The following PARD6G variants were observed in gnomAD, a reference collection of about 807,000 sequenced individuals.
PARD6G encodes the protein par-6 family cell polarity regulator gamma.
Under a neutral mutation model 10.7 loss-of-function variants are expected in PARD6G, and 7 were observed. That is an observed-to-expected ratio of 0.66 (90% CI 0.37 to 1.23). PARD6G has a LOEUF of 1.23. Among genes scored for constraint, PARD6G ranks in the 50% most tolerant of loss-of-function variants. The pLI is 0.02. For synonymous variants in PARD6G, 287 were observed against 269.4 expected (o/e 1.07, Z -0.64); for missense variants, 548 against 571.8 (o/e 0.96, Z 0.42).
rs1021263751 is a variant in PARD6G, at chr18:80,189,385, G to C, written c.295+13325C>G. On this transcript the variant is annotated intron_variant, in intron 2 of 2. Transcript: ENST00000353265. The surrounding 1 kb of genome is among the most constrained non-coding windows in gnomAD (Gnocchi z 5.5). ...CTCAACCAAGGGCCACTGCGCCACC[G>C]CAGCTGTGGGACCGTATCTCTGGAT... 1 of 152,246 alleles carries C rather than the reference G, an allele frequency of 6.6e-6. No individual in the cohort carries two copies. Among genetic ancestry groups the C allele is most frequent in the Admixed American group, 6.5e-5 (1 of 15,278 alleles). 9.4% of individuals were successfully genotyped at this position (152,246 alleles called of 1,614,324 possible).
intron 1 of PARD6G, among the ~76,000 whole-genome samples, chr18:80,208,521 C>T (rs1233462808): frequency 6.6e-6 from 1 of 152,190 alleles, no homozygotes; most frequent in Non-Finnish European, 1.5e-5. Flanking sequence ...CATTCACCTA[C>T]TATCCCGCAC....
At position 80,247,182 on chromosome 18, in the gene PARD6G, T is replaced by C. The variant is rs2145312587; in HGVS notation, c.72+95A>G. On this transcript the variant is annotated intron_variant, in intron 1 of 2. Transcript: ENST00000353265. This position sits in a 1 kb window ranked among gnomAD's most constrained non-coding sequence, Gnocchi z 4.2. ...ACTGGAAAGTTGTCGCCGGCGCCTG[T>C]CGCCTCCACGCCGCCCCAGTCCCCC... 1 of 988,896 alleles carries C rather than the reference T, an allele frequency of 1.0e-6. No individual in the cohort carries two copies. Among genetic ancestry groups the C allele is most frequent in the African/African-American group, 1.7e-5 (1 of 57,694 alleles). 61.3% of individuals were successfully genotyped at this position (988,896 alleles called of 1,614,324 possible). A position where few individuals can be genotyped will look rare whatever the true frequency, so the allele number is the denominator to read the frequency against.
At chr18:80,237,376 T>C (rs1243751098) in intron 1 of PARD6G, among the ~76,000 whole-genome samples, 2 of 152,166 alleles carry the variant, frequency 1.3e-5, no homozygotes, top group Admixed American at 1.3e-4. Context: ...ACTTAAATGT[T>C]AGACCTAAAA....
chr18:80,159,594 T>G lies in PARD6G; in HGVS notation c.*177A>C. ...CTACAGGCGTTCATTTTAAGTTCTG[T>G]GGCGAAATTCTATAAAAATAGGCAA... On this transcript the variant is annotated 3_prime_UTR_variant, in exon 3 of 3. Coordinates refer to ENST00000353265, the MANE Select transcript of PARD6G (RefSeq NM_032510.4). The G allele has an allele frequency of 9.3e-7, 1 of 1,077,824 alleles. No individual in the cohort carries two copies. The highest frequency in any genetic ancestry group is 1.2e-6 in the Non-Finnish European group (1 of 832,352). The allele number at this position is 1,077,824 out of a possible 1,614,324, so 66.8% of individuals were successfully genotyped here. A position where few individuals can be genotyped will look rare whatever the true frequency, so the allele number is the denominator to read the frequency against.
chr18:80,197,117 G>T (rs1179393579), intron 2 of PARD6G, among the ~76,000 whole-genome samples: 3 of 152,150 alleles, frequency 2.0e-5, no homozygotes, highest in Non-Finnish European at 4.4e-5. Flanking sequence ...CCCCTAGGCG[G>T]TGTCCGAGGA....
At chr18:80,213,834 T>C (rs1967131913) in intron 1 of PARD6G, among the ~76,000 whole-genome samples, 2 of 151,336 alleles carry the variant, frequency 1.3e-5, no homozygotes, top group Non-Finnish European at 2.9e-5. Flanking sequence ...GGCGGGTGTG[T>C]GTAGTCCCAG....
In PARD6G at chr18:80,246,124, G is replaced by A. The variant is rs1326471114; in HGVS notation, c.72+1153C>T. ...GAGGGAACACCCGCCCTGCGCCCAA[G>A]ATAGGCACACAGTTAGGGGTGCGGG... On this transcript the variant is annotated intron_variant, in intron 1 of 2. Transcript: ENST00000353265. This position sits in a 1 kb window ranked among gnomAD's most constrained non-coding sequence, Gnocchi z 6.7. Among the ~76,000 whole-genome samples the A allele has an allele frequency of 2.0e-5, 3 of 152,062 alleles. No individual in the cohort carries two copies. The highest frequency in any genetic ancestry group is 4.4e-5 in the Non-Finnish European group (3 of 67,996).
At position 80,247,389 on chromosome 18, in the gene PARD6G, CAG is replaced by C. The variant is rs760565316; in HGVS notation, c.-43_-42del. The C allele has an allele frequency of 1.5e-5, 23 of 1,493,950 alleles. No homozygotes were observed. The South Asian group carries it at 2.9e-4, about 19-fold the overall frequency. The allele number at this position is 1,493,950 out of a possible 1,614,324, so 92.5% of individuals were successfully genotyped here. A position where few individuals can be genotyped will look rare whatever the true frequency, so the allele number is the denominator to read the frequency against. On this transcript the variant is annotated 5_prime_UTR_variant, in exon 1 of 3. Coordinates refer to ENST00000353265, the MANE Select transcript of PARD6G (RefSeq NM_032510.4). The surrounding 1 kb of genome is among the most constrained non-coding windows in gnomAD (Gnocchi z 4.2). ...CAGCCTCGCCGTCGCCCTCGCTCCT[CAG>C]GGGCCGCAGAAAGACTCCCGGGGGC...
At chr18:80,173,769 A>T (rs2052792012) in intron 2 of PARD6G, among the ~76,000 whole-genome samples, 1 of 152,214 alleles carries the variant, frequency 6.6e-6, no homozygotes, top group South Asian at 2.1e-4. Flanking sequence ...GCGAACCCAG[A>T]CACACTTTTC....
chr18:80,236,400 G>A (rs1161962742), intron 1 of PARD6G, among the ~76,000 whole-genome samples: 1 of 152,172 alleles, frequency 6.6e-6, no homozygotes, highest in Non-Finnish European at 1.5e-5. Flanking sequence ...ATATCATCTT[G>A]AATGGGCAAA....
chr18:80,183,265 C>T lies in PARD6G; in HGVS notation c.295+19445G>A. 1.5e-6 allele frequency: 1 copy of T among 688,672 alleles called. No individual in the cohort carries two copies. The highest frequency in any genetic ancestry group is 2.1e-5 in the Admixed American group (1 of 48,390). The allele number at this position is 688,672 out of a possible 1,614,324, so 42.7% of individuals were successfully genotyped here. On this transcript the variant is annotated intron_variant, in intron 2 of 2. Transcript: ENST00000353265. This position sits in a 1 kb window ranked among gnomAD's most constrained non-coding sequence, Gnocchi z 4.5. Reference sequence around the variant, plus strand: ...CAGATAGGCATGGAGAAGAGCAAAGCCGCATACAGGCATAGTGGAAAAGTA... The same window carrying T: ...CAGATAGGCATGGAGAAGAGCAAAGTCGCATACAGGCATAGTGGAAAAGTA...
At chr18:80,209,120 C>CA (rs1288222729) in intron 1 of PARD6G, among the ~76,000 whole-genome samples, 26 of 149,874 alleles carry the variant, frequency 1.7e-4, no homozygotes, top group African/African-American at 6.2e-4. Flanking sequence ...AACAAACAAA[C>CA]AAACAAAAAA....
chr18:80,196,169 T>C (rs1181114987), intron 2 of PARD6G, among the ~76,000 whole-genome samples: 1 of 152,230 alleles, frequency 6.6e-6, no homozygotes, highest in African/African-American at 2.4e-5. Flanking sequence ...CCACCATTGA[T>C]GTATGTCTAC....
Position 80,192,806 on chromosome 18 carries a change from A to T in PARD6G, c.295+9904T>A, listed in dbSNP as rs1319478311. On this transcript the variant is annotated intron_variant, in intron 2 of 2. Coordinates refer to ENST00000353265, the MANE Select transcript of PARD6G (RefSeq NM_032510.4). This position sits in a 1 kb window ranked among gnomAD's most constrained non-coding sequence, Gnocchi z 4.9. Reference sequence around the variant, plus strand: ...CACAGTCCCCACGCTGTGGGCAGGGACCCTCCTGGCTCGCCGGCCGTGGGA... The same window carrying T: ...CACAGTCCCCACGCTGTGGGCAGGGTCCCTCCTGGCTCGCCGGCCGTGGGA... Among the ~76,000 whole-genome samples the T allele has an allele frequency of 6.6e-6, 1 of 151,672 alleles. No individual in the cohort carries two copies. Among genetic ancestry groups the T allele is most frequent in the Non-Finnish European group, 1.5e-5 (1 of 67,954 alleles).
chr18:80,163,048 A>G (rs374874253), intron 2 of PARD6G, among the ~76,000 whole-genome samples: 4 of 152,326 alleles, frequency 2.6e-5, no homozygotes, highest in Non-Finnish European at 2.9e-5. Context: ...TCCGAGGCAC[A>G]GTGCTCTGCC....
At chr18:80,238,534 T>C (rs933339591) in intron 1 of PARD6G, among the ~76,000 whole-genome samples, 1 of 145,256 alleles carries the variant, frequency 6.9e-6, no homozygotes, top group Non-Finnish European at 1.5e-5. Flanking sequence ...GTAAAAAAAA[T>C]AAAAATAAAA....
chr18:80,210,000 G>C (rs1481074697), intron 1 of PARD6G, among the ~76,000 whole-genome samples: 1 of 151,860 alleles, frequency 6.6e-6, no homozygotes, highest in African/African-American at 2.4e-5. Flanking sequence ...TCATAATTTT[G>C]ACCCTTTTCC....
intron 2 of PARD6G, chr18:80,171,280 C>T (rs1168972938): frequency 1.3e-5 from 2 of 152,210 alleles, no homozygotes; most frequent in African/African-American, 4.8e-5. Flanking sequence ...TCGGGTAGTG[C>T]TGCCTTTTGG....
rs576790395 is a variant in PARD6G at position 80,181,864 on chromosome 18, G to T, written c.295+20846C>A. Among the ~76,000 whole-genome samples, 13 of 152,262 alleles carry T rather than the reference G, an allele frequency of 8.5e-5. No homozygotes were observed. The South Asian group carries it at 2.7e-3, about 32-fold the overall frequency. On this transcript the variant is annotated intron_variant, in intron 2 of 2. Coordinates refer to ENST00000353265, the MANE Select transcript of PARD6G (RefSeq NM_032510.4). This position sits in a 1 kb window ranked among gnomAD's most constrained non-coding sequence, Gnocchi z 7.9. ...ATCCACTGCCCAAGGCTGCCCGGTA[G>T]ACCTGTCCCTGGGAGGGAAGCAGCC...
Sources: gnomAD v4.1 joint callset for allele counts (sites outside exome capture counted in the v4.1 genomes callset) on GRCh38, gnomAD v4.1.1 for gene constraint, Gnocchi (gnomAD v3.1) non-coding constraint, MANE v1.5 for transcripts, NCBI Gene and HGNC (gene_info 2026-07-23, HGNC 2026-07-21) for gene names.